SGCD: variants seen among roughly 807,000 people sequenced by gnomAD.
The protein encoded by SGCD is sarcoglycan delta.
In SGCD, 18 loss-of-function variants were observed where a neutral mutation model predicts 36.6. The ratio of observed to expected loss-of-function variants is 0.49; its 90% CI spans 0.34 to 0.73. SGCD has a LOEUF of 0.73. Ranked by LOEUF, SGCD falls within the 30% of genes least tolerant of loss-of-function variation. The pLI is 0.01. For synonymous variants in SGCD, 133 were observed against 130.6 expected, an observed-to-expected ratio of 1.02 and a Z score of -0.12; for missense variants, 387 against 346.7, an observed-to-expected ratio of 1.12 and a Z score of -0.92.
intron 3 of SGCD, among the ~76,000 whole-genome samples, chr5:156,346,208 C>T (rs1442071685): frequency 2.0e-5 from 3 of 147,336 alleles, no homozygotes; most frequent in Non-Finnish European, 4.5e-5. Context: ...TAACAGGAAA[C>T]CATAAAAACA....
intron 3 of SGCD, among the ~76,000 whole-genome samples, chr5:156,307,041 CT>C (rs71577193): frequency 0.48 from 60,157 of 124,218 alleles, 10,307 homozygotes; most frequent in East Asian, 0.74. Context: ...TATAAGTTTT[CT>C]TTTTTTTTTT....
intron 1 of SGCD, among the ~76,000 whole-genome samples, chr5:155,876,052 A>ATT (rs548770799): frequency 7.2e-6 from 1 of 138,472 alleles, no homozygotes; most frequent in African/African-American, 2.9e-5. Flanking sequence ...TTTTTTATTT[A>ATT]TTTTTTTTTA....
chr5:155,875,535 C>T (rs1755746406), intron 1 of SGCD, among the ~76,000 whole-genome samples: 1 of 152,064 alleles, frequency 6.6e-6, no homozygotes. Flanking sequence ...TCATGTAAAA[C>T]TTGTGATGTT....
chr5:156,524,184 CTATATATATATA>C (rs370041027), intron 4 of SGCD, among the ~76,000 whole-genome samples: 3 of 75,216 alleles, frequency 4.0e-5, no homozygotes, highest in Non-Finnish European at 7.3e-5. Flanking sequence ...ATAGGTCTTA[CTATATATATATA>C]TATATATATA....
At chr5:155,903,625 T>G (rs1756438800) in intron 1 of SGCD, among the ~76,000 whole-genome samples, 1 of 152,164 alleles carries the variant, frequency 6.6e-6, no homozygotes, top group South Asian at 2.1e-4. Flanking sequence ...CACATATACA[T>G]TAAAAATACA....
the SGCD span, among the ~76,000 whole-genome samples, chr5:155,852,751 C>A: frequency 6.6e-6 from 1 of 152,066 alleles, no homozygotes; most frequent in Non-Finnish European, 1.5e-5. Context: ...GGGTTATATG[C>A]TTTAGCGTGC....
At chr5:155,834,296 G>T in the SGCD span, among the ~76,000 whole-genome samples, 1 of 152,290 alleles carries the variant, frequency 6.6e-6, no homozygotes, top group South Asian at 2.1e-4. Flanking sequence ...TGATTGATTT[G>T]AAATGAGTAT....
the SGCD span, among the ~76,000 whole-genome samples, chr5:155,776,902 A>C: frequency 1.2e-4 from 18 of 152,272 alleles, no homozygotes; most frequent in South Asian, 3.7e-3. Flanking sequence ...CCAAGAGCTT[A>C]TGGGACAAAT....
chr5:156,330,316 C>G (rs1379058409), intron 2 of SGCD, among the ~76,000 whole-genome samples: 1 of 152,118 alleles, frequency 6.6e-6, no homozygotes, highest in African/African-American at 2.4e-5. Context: ...CCACGTCTGA[C>G]GAACGTGCTG....
intron 1 of SGCD, among the ~76,000 whole-genome samples, chr5:155,965,323 G>A (rs1489286266): frequency 6.6e-6 from 1 of 152,092 alleles, no homozygotes; most frequent in African/African-American, 2.4e-5. Flanking sequence ...ACCTACATCA[G>A]CAGTATCAGA....
chr5:156,499,522 G>A (rs772969992), intron 3 of SGCD, among the ~76,000 whole-genome samples: 5 of 152,122 alleles, frequency 3.3e-5, no homozygotes, highest in African/African-American at 1.2e-4. Context: ...GATATGATAT[G>A]AAAAATCCCA....
chr5:156,494,114 G>A (rs1284323849), intron 3 of SGCD, among the ~76,000 whole-genome samples: 2 of 152,056 alleles, frequency 1.3e-5, no homozygotes, highest in Non-Finnish European at 2.9e-5. Context: ...GCTGGGGCCT[G>A]GAGGATGGAT....
At chr5:155,830,709 A>T in the SGCD span, among the ~76,000 whole-genome samples, 1 of 152,202 alleles carries the variant, frequency 6.6e-6, no homozygotes, top group East Asian at 1.9e-4. Context: ...TTATTAATAA[A>T]TTGTCACTAT....
intron 3 of SGCD, among the ~76,000 whole-genome samples, chr5:156,301,658 G>A (rs994725239): frequency 6.6e-6 from 1 of 152,074 alleles, no homozygotes. Context: ...CTTTCAGATT[G>A]AAGAACTCTC....
chr5:156,329,750 G>A (rs993022359), intron 2 of SGCD, among the ~76,000 whole-genome samples, 171 bp downstream of exon 2: 2 of 152,026 alleles, frequency 1.3e-5, no homozygotes, highest in Non-Finnish European at 2.9e-5. Context: ...AGGCACGGTG[G>A]CTCACGCCTG....
At position 155,884,813 on chromosome 5, in the gene SGCD, T is replaced by A. The variant is rs935177087; in HGVS notation, c.-282+14389T>A. On this transcript the variant is annotated intron_variant, in intron 1 of 9. Transcript: ENST00000517913. ...GGGAATAGTAATAGCATGTAACCTA[T>A]AAGAACTTGTGATAATTAAATGAAA... Among the ~76,000 whole-genome samples, 3 of 53,706 alleles carry A rather than the reference T, an allele frequency of 5.6e-5. 1 individual carries two copies. Among genetic ancestry groups the A allele is most frequent in the African/African-American group, 5.4e-4 (3 of 5,590 alleles). The allele number at this position is 53,706 out of a possible 152,430, so 35.2% of individuals were successfully genotyped here.
the SGCD span, among the ~76,000 whole-genome samples, chr5:155,838,697 T>G: frequency 7.3e-5 from 11 of 151,062 alleles, no homozygotes; most frequent in Non-Finnish European, 1.6e-4. Flanking sequence ...CTATTTGACA[T>G]GTAGTATCAC....
chr5:156,389,315 G>A (rs889987761), intron 3 of SGCD, among the ~76,000 whole-genome samples: 6 of 152,164 alleles, frequency 3.9e-5, no homozygotes, highest in African/African-American at 1.4e-4. Flanking sequence ...TCACTGGTTA[G>A]GGAAGCCATT....
At chr5:156,086,034 T>G (rs2127592768) in intron 1 of SGCD, among the ~76,000 whole-genome samples, 1 of 152,374 alleles carries the variant, frequency 6.6e-6, no homozygotes, top group Non-Finnish European at 1.5e-5. Flanking sequence ...TGGGTGTATC[T>G]TTTTCTATAG....
Sources: gnomAD v4.1 joint callset for allele counts (sites outside exome capture counted in the v4.1 genomes callset) on GRCh38, gnomAD v4.1.1 for gene constraint, MANE v1.5 for transcripts, NCBI Gene and HGNC (gene_info 2026-07-23, HGNC 2026-07-21) for gene names.